The following ITPKC variants were observed in gnomAD, a reference collection of about 807,000 sequenced individuals.
ITPKC encodes inositol-trisphosphate 3-kinase C.
In ITPKC, 33 loss-of-function variants were observed where a neutral mutation model predicts 67.1. The ratio of observed to expected loss-of-function variants is 0.49; its 90% CI spans 0.37 to 0.66. ITPKC has a LOEUF of 0.66. ITPKC is among the 30% of genes least tolerant of loss of function. The probability of loss-of-function intolerance (pLI) is 0.00; values close to 1 mark genes in which losing one functional copy is unlikely to be tolerated. For missense variants in ITPKC, 820 were observed against 892.1 expected, an observed-to-expected ratio of 0.92 and a Z score of 1.03; for synonymous variants, 341 against 359.8, an observed-to-expected ratio of 0.95 and a Z score of 0.59.
chr19:40,740,486 GA>G lies in ITPKC; in HGVS notation c.*930del. On this transcript the variant is annotated 3_prime_UTR_variant, in exon 7 of 7. Coordinates refer to ENST00000263370, the MANE Select transcript of ITPKC (RefSeq NM_025194.3). ...CCATCCAATCCCGGGCCCCTGCAGGGAAAAGCGCTGGGTGTGTGTCAGAGGC... is the reference window on the plus strand; with the variant it reads ...CCATCCAATCCCGGGCCCCTGCAGGGAAAGCGCTGGGTGTGTGTCAGAGGC... 1 of 210,470 alleles carries G rather than the reference GA, an allele frequency of 4.8e-6. No individual in the cohort carries two copies. Among genetic ancestry groups the G allele is most frequent in the Non-Finnish European group, 9.5e-6 (1 of 105,114 alleles). 13.0% of individuals were successfully genotyped at this position (210,470 alleles called of 1,614,324 possible). A position where few individuals can be genotyped will look rare whatever the true frequency, so the allele number is the denominator to read the frequency against.
At chr19:40,729,170 C>G (rs1413008836) in intron 2 of ITPKC, 32 bp from the exon 3 acceptor site, 2 of 1,569,234 alleles carry the variant, frequency 1.3e-6, no homozygotes, top group Admixed American at 1.7e-5. Context: ...TGATCCAGTT[C>G]CTGATCCTCT....
chr19:40,724,938 T>C (rs2082238960), intron 1 of ITPKC, among the ~76,000 whole-genome samples: 2 of 146,770 alleles, frequency 1.4e-5, no homozygotes, highest in South Asian at 4.3e-4. Flanking sequence ...ACAGAGACCC[T>C]GTCTCAATTA....
At chr19:40,726,626 G>A (rs530194569) in intron 2 of ITPKC, among the ~76,000 whole-genome samples, 1 of 152,290 alleles carries the variant, frequency 6.6e-6, no homozygotes, top group Admixed American at 6.5e-5. Flanking sequence ...GACAGTAAGA[G>A]AATTTGTCTG....
At chr19:40,735,341 ATT>A (rs112089538) in intron 4 of ITPKC, among the ~76,000 whole-genome samples, 11 of 139,868 alleles carry the variant, frequency 7.9e-5, no homozygotes, top group Non-Finnish European at 7.8e-5. Context: ...ATGCTCTTCT[ATT>A]TTTTTTTTTT....
Position 40,729,317 on chromosome 19 carries a change from T to C in ITPKC, c.1371T>C (p.Tyr457=), listed in dbSNP as rs944730339. The part of the protein sequence containing the change: ...DPLRPFVPAY[Y]GMVLQDGQTF... ...TGCGACCTTTCGTGCCTGCCTACTA[T>C]GGCATGGTGCTGCAGGATGGCCAGA... Residue 457 remains tyrosine (Y), a synonymous_variant, in exon 3 of 7, where the codon TAT becomes TAC. Coordinates refer to ENST00000263370, the MANE Select transcript of ITPKC (RefSeq NM_025194.3). 1 of 1,614,184 alleles carries C rather than the reference T, an allele frequency of 6.2e-7. No homozygotes were observed. The highest frequency in any genetic ancestry group is 1.1e-5 in the South Asian group (1 of 91,076).
At chr19:40,720,100 C>T (rs1219063241) in intron 1 of ITPKC, among the ~76,000 whole-genome samples, 5 of 151,882 alleles carry the variant, frequency 3.3e-5, no homozygotes, top group Non-Finnish European at 5.9e-5. Flanking sequence ...GCTCAGTGGC[C>T]CAAGCCTGTA....
chr19:40,737,779 C>G lies in ITPKC; in HGVS notation c.1848+10C>G. On this transcript the variant is annotated intron_variant, in intron 6 of 6. Coordinates refer to ENST00000263370, the MANE Select transcript of ITPKC (RefSeq NM_025194.3). ...CTTCAAGACCCACGAGGTGCGAGCC[C>G]TGGCTTCCATGGGTGGATGTATGGG... 1 of 1,612,870 alleles carries G rather than the reference C, an allele frequency of 6.2e-7. No individual in the cohort carries two copies. The highest frequency in any genetic ancestry group is 8.5e-7 in the Non-Finnish European group (1 of 1,178,918).
intron 2 of ITPKC, among the ~76,000 whole-genome samples, chr19:40,726,028 G>T (rs909044730): frequency 6.6e-6 from 1 of 152,072 alleles, no homozygotes; most frequent in Non-Finnish European, 1.5e-5. Context: ...ATCCCCTGAG[G>T]TCAGGAGTTT....
chr19:40,720,492 ACC>A (rs2082216679), intron 1 of ITPKC, among the ~76,000 whole-genome samples: 2 of 152,092 alleles, frequency 1.3e-5, no homozygotes, highest in Non-Finnish European at 2.9e-5. Context: ...TGAGTTTCAA[ACC>A]CATCGTTTAA....
chr19:40,720,004 C>G (rs1323536299), intron 1 of ITPKC, among the ~76,000 whole-genome samples: 1 of 150,258 alleles, frequency 6.7e-6, no homozygotes, highest in Non-Finnish European at 1.5e-5. Flanking sequence ...AAAATAGCAT[C>G]TATCTTAATT....
At chr19:40,729,508 G>A (rs1181616705) in intron 3 of ITPKC, 93 bp downstream of exon 3, 2 of 1,108,244 alleles carry the variant, frequency 1.8e-6, no homozygotes, top group Admixed American at 4.1e-5. Flanking sequence ...GCTCACGCCT[G>A]TAATCCCAGC....
chr19:40,734,786 T>TTG lies in ITPKC; in HGVS notation c.1674+1423_1674+1424insGT, dbSNP rs1216093286. 4.7e-5 allele frequency among the ~76,000 whole-genome samples: 7 copies of TTG among 149,944 alleles called. No individual in the cohort carries two copies. The South Asian group carries it at 6.4e-4, about 14-fold the overall frequency. Reference sequence around the variant, plus strand: ...ACCATGCCTGGCTAATTGTTGTTTTTTTTTTTTTTTTTGAGACAGAGTCTC... The same window carrying TTG: ...ACCATGCCTGGCTAATTGTTGTTTTTTGTTTTTTTTTTTTGAGACAGAGTCTC... On this transcript the variant is annotated intron_variant, in intron 4 of 6. Coordinates refer to ENST00000263370, the MANE Select transcript of ITPKC (RefSeq NM_025194.3).
intron 1 of ITPKC, among the ~76,000 whole-genome samples, chr19:40,722,041 A>G (rs1432223588): frequency 6.6e-6 from 1 of 151,924 alleles, no homozygotes; most frequent in Non-Finnish European, 1.5e-5. Flanking sequence ...CCCAACTAAC[A>G]TTCTTCAGTC....
intron 2 of ITPKC, among the ~76,000 whole-genome samples, chr19:40,728,723 G>A (rs551274033): frequency 3.9e-5 from 6 of 152,264 alleles, no homozygotes; most frequent in East Asian, 1.9e-4. Context: ...ACCAACCCCT[G>A]GGCAAGACTT....
intron 5 of ITPKC, 62 bp from the exon 6 acceptor site, chr19:40,737,636 T>C (rs2144756564): frequency 1.4e-6 from 2 of 1,450,866 alleles, no homozygotes; most frequent in Non-Finnish European, 1.9e-6. Flanking sequence ...AGGTCAGAGC[T>C]CAAGGTGGGC....
intron 1 of ITPKC, among the ~76,000 whole-genome samples, chr19:40,723,436 G>GT (rs1359366179): frequency 3.3e-5 from 5 of 151,614 alleles, no homozygotes; most frequent in African/African-American, 1.2e-4. Flanking sequence ...GTCTACTTCT[G>GT]TTCATCTTTT....
At position 40,736,971 on chromosome 19, in the gene ITPKC, C is replaced by T. The variant is rs1196252360; in HGVS notation, c.1675-15C>T. 1.3e-6 allele frequency: 2 copies of T among 1,545,192 alleles called. No individual in the cohort carries two copies. The highest frequency in any genetic ancestry group is 8.8e-7 in the Non-Finnish European group (1 of 1,133,444). On this transcript the variant is annotated splice_polypyrimidine_tract_variant and intron_variant, in intron 4 of 6. Coordinates refer to ENST00000263370, the MANE Select transcript of ITPKC (RefSeq NM_025194.3). ...AAAAGCCCATGACCCTGCCCCTCCACACCCTGCCCTACAGAAGGCAGATGG... is the reference window on the plus strand; with the variant it reads ...AAAAGCCCATGACCCTGCCCCTCCATACCCTGCCCTACAGAAGGCAGATGG...
chr19:40,725,094 A>G (rs2144738725), intron 1 of ITPKC, among the ~76,000 whole-genome samples: 1 of 152,312 alleles, frequency 6.6e-6, no homozygotes, highest in South Asian at 2.1e-4. Context: ...AGATACAAAG[A>G]AAGTGATGAC....
intron 4 of ITPKC, among the ~76,000 whole-genome samples, chr19:40,735,107 C>T (rs930735677): frequency 2.0e-5 from 3 of 152,024 alleles, no homozygotes; most frequent in East Asian, 1.9e-4. Flanking sequence ...TTAAGAGAGG[C>T]GGGGTTTCAC....
Sources: gnomAD v4.1 joint callset for allele counts (sites outside exome capture counted in the v4.1 genomes callset) on GRCh38, gnomAD v4.1.1 for gene constraint, MANE v1.5 for transcripts, NCBI Gene and HGNC (gene_info 2026-07-23, HGNC 2026-07-21) for gene names.